Variants in RFFL observed in about 807,000 individuals in gnomAD.
The protein encoded by RFFL is E3 ubiquitin-protein ligase rififylin.
RFFL carries 16 observed loss-of-function variants against 40.4 expected under a neutral mutation model. The ratio of observed to expected loss-of-function variants is 0.40; its 90% CI spans 0.27 to 0.60. RFFL has a LOEUF of 0.60. RFFL is among the 20% of genes least tolerant of loss of function. RFFL has a pLI of 0.47. For missense variants in RFFL, 367 were observed against 451.7 expected, an observed-to-expected ratio of 0.81 and a Z score of 1.70; for synonymous variants, 154 against 167.9, an observed-to-expected ratio of 0.92 and a Z score of 0.64.
intron 1 of RFFL, among the ~76,000 whole-genome samples, chr17:35,041,591 T>C (rs188364545): frequency 1.1e-5 from 1 of 90,300 alleles, no homozygotes; most frequent in South Asian, 3.2e-4. Context: ...CGAAAGGTAG[T>C]GTGACCTTTC....
upstream of RFFL, among the ~76,000 whole-genome samples, chr17:35,067,915 G>A (rs1010387147): frequency 2.6e-5 from 4 of 152,082 alleles, no homozygotes; most frequent in Non-Finnish European, 4.4e-5. Flanking sequence ...ACATAAGTCC[G>A]CTCACCCACA....
intron 1 of RFFL, among the ~76,000 whole-genome samples, chr17:35,049,155 T>C (rs1173172676): frequency 6.6e-6 from 1 of 152,208 alleles, no homozygotes; most frequent in Non-Finnish European, 1.5e-5. Flanking sequence ...CCTGTGCTGA[T>C]AGCAGAAAGG....
At chr17:35,062,480 T>C (rs1458186517) in intron 1 of RFFL, among the ~76,000 whole-genome samples, 2 of 152,158 alleles carry the variant, frequency 1.3e-5, no homozygotes, top group Non-Finnish European at 2.9e-5. Flanking sequence ...CTACCCTTAC[T>C]GAGAACCTAC....
chr17:35,075,816 G>A (rs1309560694), intron 1 of RFFL, among the ~76,000 whole-genome samples: 4 of 151,886 alleles, frequency 2.6e-5, no homozygotes, highest in East Asian at 3.9e-4. Flanking sequence ...AAAGCGTCTC[G>A]AAGAAATTGC....
chr17:35,022,294 T>G (rs570748512), intron 2 of RFFL, among the ~76,000 whole-genome samples: 11 of 152,220 alleles, frequency 7.2e-5, no homozygotes, highest in African/African-American at 2.6e-4. Flanking sequence ...CCTCAACAAG[T>G]GTAAGCTGTT....
chr17:35,019,436 G>A (rs2090994490), intron 3 of RFFL, among the ~76,000 whole-genome samples: 1 of 152,102 alleles, frequency 6.6e-6, no homozygotes, highest in South Asian at 2.1e-4. Context: ...CTGGAGTGTG[G>A]TGGCATGATC....
intron 1 of RFFL, among the ~76,000 whole-genome samples, chr17:35,063,069 C>T (rs140698975): frequency 1.6e-4 from 25 of 152,236 alleles, no homozygotes; most frequent in East Asian, 1.4e-3. Flanking sequence ...GAGCAAATGA[C>T]GGATAAAGCT....
At chr17:35,078,419 CAG>C (rs2091387864) in intron 1 of RFFL, among the ~76,000 whole-genome samples, 1 of 152,176 alleles carries the variant, frequency 6.6e-6, no homozygotes, top group South Asian at 2.1e-4. Flanking sequence ...CCTCCCAACT[CAG>C]ACTCCTGAGT....
chr17:35,035,752 A>G (rs891945451), intron 1 of RFFL, among the ~76,000 whole-genome samples: 2 of 151,732 alleles, frequency 1.3e-5, no homozygotes, highest in African/African-American at 4.8e-5. Flanking sequence ...CACCCAGGCT[A>G]GAGTGCAACG....
chr17:35,050,769 T>C (rs1597831360), intron 1 of RFFL, among the ~76,000 whole-genome samples: 1 of 151,506 alleles, frequency 6.6e-6, no homozygotes, highest in Admixed American at 6.6e-5. Context: ...GGTCAGGAGG[T>C]TGAGACCAGC....
chr17:35,082,190 CT>C (rs2091405746), intron 1 of RFFL, among the ~76,000 whole-genome samples: 2 of 152,114 alleles, frequency 1.3e-5, no homozygotes, highest in Admixed American at 1.3e-4. Context: ...CCAGAAACCT[CT>C]TTTAGCCTCG....
chr17:35,024,177 T>C (rs919017407), intron 2 of RFFL, among the ~76,000 whole-genome samples: 4 of 152,174 alleles, frequency 2.6e-5, no homozygotes, highest in Admixed American at 6.5e-5. Context: ...GGATGCCGTG[T>C]GCAGGGTTCT....
intron 1 of RFFL, among the ~76,000 whole-genome samples, chr17:35,086,352 G>A (rs2091429214): frequency 6.6e-6 from 1 of 152,056 alleles, no homozygotes; most frequent in Non-Finnish European, 1.5e-5. Context: ...TGGGCGTAGT[G>A]ACGCACATCT....
At chr17:35,022,494 C>G (rs1343841999) in intron 2 of RFFL, among the ~76,000 whole-genome samples, 1 of 152,200 alleles carries the variant, frequency 6.6e-6, no homozygotes, top group Non-Finnish European at 1.5e-5. Context: ...TAGTGTTCTT[C>G]CCTGATTCAC....
intron 1 of RFFL, among the ~76,000 whole-genome samples, chr17:35,041,906 T>G (rs2091168523): frequency 6.6e-6 from 1 of 151,992 alleles, no homozygotes; most frequent in Admixed American, 6.6e-5. Flanking sequence ...TCCCAGCTAC[T>G]CAGGAGGCTA....
intron 2 of RFFL, among the ~76,000 whole-genome samples, chr17:35,022,294 T>C (rs570748512): frequency 6.6e-6 from 1 of 152,102 alleles, no homozygotes; most frequent in Non-Finnish European, 1.5e-5. Context: ...CCTCAACAAG[T>C]GTAAGCTGTT....
chr17:35,067,016 T>C (rs2091323988), upstream of RFFL, among the ~76,000 whole-genome samples: 1 of 152,142 alleles, frequency 6.6e-6, no homozygotes, highest in Non-Finnish European at 1.5e-5. Context: ...CTAGGGGTAC[T>C]TAAGAATCAA....
chr17:35,029,235 TAA>T lies in RFFL; in HGVS notation c.-8-2676_-8-2675del, dbSNP rs1043346738. On this transcript the variant is annotated intron_variant, in intron 1 of 6. Coordinates refer to ENST00000394597, the MANE Select transcript of RFFL (RefSeq NM_001017368.2). The stretch of plus-strand genomic sequence containing the variant: ...TAACAGTTCACATGGAATAATGAAG[TAA>T]AGAGTTCTTCACAGAGTGTGTGTAT... Among the ~76,000 whole-genome samples, 10 of 151,690 alleles carry T rather than the reference TAA, an allele frequency of 6.6e-5. No homozygotes were observed. The South Asian group carries it at 8.3e-4, about 13-fold the overall frequency.
chr17:35,087,799 A>C (rs1363507450), intron 1 of RFFL, among the ~76,000 whole-genome samples: 1 of 152,246 alleles, frequency 6.6e-6, no homozygotes, highest in Non-Finnish European at 1.5e-5. Context: ...GAAATATACA[A>C]TAAAAGTTCG....
Sources: gnomAD v4.1 joint callset for allele counts (sites outside exome capture counted in the v4.1 genomes callset) on GRCh38, gnomAD v4.1.1 for gene constraint, MANE v1.5 for transcripts, NCBI Gene and HGNC (gene_info 2026-07-23, HGNC 2026-07-21) for gene names.